The following KRT77 variants were observed in gnomAD, a reference collection of about 807,000 sequenced individuals.
The protein encoded by KRT77 is keratin 77.
A neutral mutation model predicts 51.5 loss-of-function variants in KRT77; 44 were observed. The observed-to-expected ratio is 0.85, with a 90% CI of 0.67 to 1.10. KRT77 has a LOEUF of 1.10. KRT77 is among the 50% of genes least tolerant of loss of function. The pLI is 0.00. For synonymous variants in KRT77, 293 were observed against 302.0 expected, an observed-to-expected ratio of 0.97 and a Z score of 0.31; for missense variants, 763 against 743.9, an observed-to-expected ratio of 1.03 and a Z score of -0.30.
rs901408319 is a variant in KRT77 at position 52,702,831 on chromosome 12, G to A, written c.543+61C>T. ...ACGATGTGGTGAGAGGTGGTAAGGT[G>A]TAATCTCTCTCAGTCATTTGGTCAG... is the stretch of plus-strand genomic sequence containing the variant. On this transcript the variant is annotated intron_variant, in intron 1 of 8. Coordinates refer to ENST00000341809, the MANE Select transcript of KRT77 (RefSeq NM_175078.3). 7 of 1,535,192 alleles carry A rather than the reference G, an allele frequency of 4.6e-6. No homozygotes were observed. In the East Asian group the frequency reaches 9.0e-5, roughly 20 times the overall value.
Position 52,692,471 on chromosome 12 carries a change from C to G in KRT77, c.1377G>C (p.Leu459=), listed in dbSNP as rs1340191236. The G allele has an allele frequency of 6.2e-7, 1 of 1,614,082 alleles. No individual in the cohort carries two copies. Among genetic ancestry groups the G allele is most frequent in the Admixed American group, 1.7e-5 (1 of 60,020 alleles). Residue 459 remains leucine (L), a synonymous_variant, in exon 7 of 9, where the codon CTG becomes CTC. Coordinates refer to ENST00000341809, the MANE Select transcript of KRT77 (RefSeq NM_175078.3). ...YQAMLGVKLS[L]DVEIATYRQL... ...GGCGGTAGGTGGCGATCTCCACATC[C>G]AGGGACAGCTTGACCCCCAGCATGG...
rs1177531467 is a variant in KRT77, at chr12:52,689,775, G to A, written c.*1390C>T. The stretch of plus-strand genomic sequence containing the variant: ...ATGCCCCAAGAGAATCATGGACTTG[G>A]AAGTTGTGTTAGGACTCAGCTAGCA... On this transcript the variant is annotated 3_prime_UTR_variant, in exon 9 of 9. Coordinates refer to ENST00000341809, the MANE Select transcript of KRT77 (RefSeq NM_175078.3). 1 of 152,218 alleles carries A rather than the reference G, an allele frequency of 6.6e-6. No individual in the cohort carries two copies. The highest frequency in any genetic ancestry group is 1.5e-5 in the Non-Finnish European group (1 of 68,060). 9.4% of individuals were successfully genotyped at this position (152,218 alleles called of 1,614,324 possible).
At chr12:52,695,511 T>C (rs1941781490) in intron 4 of KRT77, among the ~76,000 whole-genome samples, 1 of 152,182 alleles carries the variant, frequency 6.6e-6, no homozygotes, top group Non-Finnish European at 1.5e-5. Flanking sequence ...CCCAGACAGA[T>C]TGGAAGCCAT....
At chr12:52,699,463 T>A (rs1399856172) in intron 1 of KRT77, among the ~76,000 whole-genome samples, 1 of 152,120 alleles carries the variant, frequency 6.6e-6, no homozygotes, top group African/African-American at 2.4e-5. Context: ...ACTAGAACAA[T>A]CAGTAAAAGC....
Position 52,703,459 on chromosome 12 carries a change from A to G in KRT77, c.-25T>C, listed in dbSNP as rs777619226. 5.5e-5 allele frequency: 84 copies of G among 1,541,090 alleles called. No homozygotes were observed. The highest frequency in any genetic ancestry group is 6.6e-5 in the Non-Finnish European group (76 of 1,143,322). ...TGTTTGCTGGAGCATCCAGAGAAGC[A>G]GGCAAGAGAAAGAGCCTGGCAGGAA... On this transcript the variant is annotated 5_prime_UTR_variant, in exon 1 of 9. Coordinates refer to ENST00000341809, the MANE Select transcript of KRT77 (RefSeq NM_175078.3).
In KRT77 at chr12:52,703,451, A is replaced by G; in HGVS notation, c.-17T>C. The G allele has an allele frequency of 6.4e-7, 1 of 1,552,126 alleles. No individual in the cohort carries two copies. On this transcript the variant is annotated 5_prime_UTR_variant, in exon 1 of 9. Transcript: ENST00000341809. Reference sequence around the variant, plus strand: ...GTGGCTCATGTTTGCTGGAGCATCCAGAGAAGCAGGCAAGAGAAAGAGCCT... The same window carrying G: ...GTGGCTCATGTTTGCTGGAGCATCCGGAGAAGCAGGCAAGAGAAAGAGCCT...
At position 52,697,712 on chromosome 12, in the gene KRT77, A is replaced by T; in HGVS notation, c.728T>A (p.Met243Lys). 1.9e-6 allele frequency: 3 copies of T among 1,613,602 alleles called. No individual in the cohort carries two copies. Among genetic ancestry groups the T allele is most frequent in the Non-Finnish European group, 2.5e-6 (3 of 1,179,760 alleles). The change falls in exon 2 of 9, where the codon ATG becomes AAG. Residue 243 changes from methionine to lysine, a missense_variant. Physicochemically the swap from Met to Lys is moderately conservative, Grantham distance 95. Coordinates refer to ENST00000341809, the MANE Select transcript of KRT77 (RefSeq NM_175078.3). The part of the protein sequence containing the change: ...QMRQNAEVRS[M>K]QDVVEDYKSK... The stretch of plus-strand genomic sequence containing the variant: ...CTTGTAGTCCTCCACGACATCCTGC[A>T]TGCTCCTGACCTCCGCGTTCTGGCG...
At chr12:52,697,510 T>G (rs934467164) in intron 2 of KRT77, among the ~76,000 whole-genome samples, 172 bp downstream of exon 2, 21 of 152,100 alleles carry the variant, frequency 1.4e-4, no homozygotes, top group African/African-American at 4.8e-4. Flanking sequence ...GCTGCCAATA[T>G]CATTCTACCC....
chr12:52,700,831 T>C (rs1941877673), intron 1 of KRT77, among the ~76,000 whole-genome samples: 1 of 151,766 alleles, frequency 6.6e-6, no homozygotes, highest in South Asian at 2.1e-4. Flanking sequence ...AATGGAGGAG[T>C]GTCGTGACAT....
rs538740870 is a variant in KRT77 at position 52,691,208 on chromosome 12, A to C, written c.1694T>G (p.Ile565Ser). ...SGRGSSRVQI[I>S]QTSTNTSHRR... ...GTGGGAGGTGTTGGTGGAGGTCTGG[A>C]TGATCTGCACGCGCGAGGATCCGCG... is the stretch of plus-strand genomic sequence containing the variant. The change falls in exon 9 of 9, where the codon ATC becomes AGC. Residue 565 changes from isoleucine (I) to serine (S), a missense_variant. Coordinates refer to ENST00000341809, the MANE Select transcript of KRT77 (RefSeq NM_175078.3). 1 of 1,614,056 alleles carries C rather than the reference A, an allele frequency of 6.2e-7. No individual in the cohort carries two copies. The highest frequency in any genetic ancestry group is 8.5e-7 in the Non-Finnish European group (1 of 1,179,984).
Position 52,692,455 on chromosome 12 carries a change from T to C in KRT77, c.1393A>G (p.Thr465Ala), listed in dbSNP as rs746383788. The C allele has an allele frequency of 6.2e-7, 1 of 1,613,820 alleles. No homozygotes were observed. The highest frequency in any genetic ancestry group is 2.2e-5 in the East Asian group (1 of 44,816). ...TCGCCCTCCAGCAGCTGGCGGTAGG[T>C]GGCGATCTCCACATCCAGGGACAGC... is the stretch of plus-strand genomic sequence containing the variant. Reference protein sequence around the residue: ...VKLSLDVEIATYRQLLEGEES... With the variant: ...VKLSLDVEIAAYRQLLEGEES... The change falls in exon 7 of 9, where the codon ACC becomes GCC. Residue 465 changes from threonine (T) to alanine (A), a missense_variant. By Grantham distance (58) the Thr-to-Ala change is moderately conservative. Coordinates refer to ENST00000341809, the MANE Select transcript of KRT77 (RefSeq NM_175078.3).
At chr12:52,697,970 C>A (rs1329416278) in intron 1 of KRT77, 74 bp from the exon 2 acceptor site, 2 of 1,468,550 alleles carry the variant, frequency 1.4e-6, no homozygotes, top group Admixed American at 1.7e-5. Context: ...AGCATCCATA[C>A]CCCCTCAACA....
chr12:52,694,781 G>A lies in KRT77; in HGVS notation c.925C>T (p.Gln309Ter). The change falls in exon 5 of 9, where the codon CAG becomes TAG. Residue 309 changes from glutamine to a stop codon, truncating the protein, a stop_gained. Coordinates refer to ENST00000341809, the MANE Select transcript of KRT77 (RefSeq NM_175078.3). LOFTEE classifies it high-confidence loss of function. ...GTGTCGCTGATGTGAGTCTGCACCT[G>A]AGACAGCTCCTGCGAGGCATGGCGC... is the stretch of plus-strand genomic sequence containing the variant. ...LKYLFLTELS[Q>*]VQTHISDTNV... The A allele has an allele frequency of 6.2e-7, 1 of 1,601,664 alleles. No homozygotes were observed. Among genetic ancestry groups the A allele is most frequent in the Non-Finnish European group, 8.5e-7 (1 of 1,170,510 alleles).
At chr12:52,699,355 C>T (rs1362496606) in intron 1 of KRT77, among the ~76,000 whole-genome samples, 2 of 152,192 alleles carry the variant, frequency 1.3e-5, no homozygotes, top group Non-Finnish European at 2.9e-5. Context: ...GCCCAGGTAC[C>T]CATCCGCAAT....
In KRT77 at chr12:52,691,359, T is replaced by TGCCGCC. The variant is rs780215093; in HGVS notation, c.1537_1542dup (p.Gly513_Gly514dup). 1.9e-6 allele frequency: 3 copies of TGCCGCC among 1,595,002 alleles called. No homozygotes were observed. The highest frequency in any genetic ancestry group is 3.4e-5 in the Admixed American group (2 of 58,906). On this transcript the variant is annotated inframe_insertion, in exon 9 of 9. Coordinates refer to ENST00000341809, the MANE Select transcript of KRT77 (RefSeq NM_175078.3). ...CTTCCGCCGCCATAGCCCCCACCGC[T>TGCCGCC]GCCGCCGCCGTAGCCTCCTGAGCCG...
intron 1 of KRT77, among the ~76,000 whole-genome samples, chr12:52,699,568 C>T (rs1456360508): frequency 6.6e-6 from 1 of 152,248 alleles, no homozygotes; most frequent in African/African-American, 2.4e-5. Context: ...TGGAATGAGG[C>T]ATGCTGCTGA....
In KRT77 at chr12:52,691,289, T is replaced by C; in HGVS notation, c.1613A>G (p.Tyr538Cys). ...GCCACCGCCGCCGCAGCCGCTGCCATAACCGCCTCCACTCCTGCCTCGTGC... is the reference window on the plus strand; with the variant it reads ...GCCACCGCCGCCGCAGCCGCTGCCACAACCGCCTCCACTCCTGCCTCGTGC... ...GGARGRSGGG[Y>C]GSGCGGGGGS... is the part of the protein sequence containing the mutation. Residue 538 changes from tyrosine to cysteine, a missense_variant, in exon 9 of 9, where the codon TAT becomes TGT. Tyr to Cys is a radical substitution (Grantham distance 194). Coordinates refer to ENST00000341809, the MANE Select transcript of KRT77 (RefSeq NM_175078.3). 2 of 1,599,412 alleles carry C rather than the reference T, an allele frequency of 1.3e-6. No individual in the cohort carries two copies. The highest frequency in any genetic ancestry group is 8.5e-7 in the Non-Finnish European group (1 of 1,170,842).
Position 52,692,706 on chromosome 12 carries a change from T to C in KRT77, c.1206+49A>G, listed in dbSNP as rs150628461. On this transcript the variant is annotated intron_variant, in intron 6 of 8. Coordinates refer to ENST00000341809, the MANE Select transcript of KRT77 (RefSeq NM_175078.3). ...TTCCAGAGCTCGATCTGGCAGGGCATTGTAGGAGGTGCAGGGCTTGGTCAG... is the reference window on the plus strand; with the variant it reads ...TTCCAGAGCTCGATCTGGCAGGGCACTGTAGGAGGTGCAGGGCTTGGTCAG... 6.7e-4 allele frequency: 1,068 copies of C among 1,599,122 alleles called. 33 individuals carry two copies. The African/African-American group carries it at 0.011, about 17-fold the overall frequency.
rs181145859 is a variant in KRT77 at position 52,703,321 on chromosome 12, A to G, written c.114T>C (p.Cys38=). The change falls in exon 1 of 9, where the codon TGT becomes TGC. Residue 38 remains cysteine, a synonymous_variant. Transcript: ENST00000341809. ...GGGSPAVGSV[C]YARGRCGGGG... ...CACCACCACACCTCCCTCGAGCATA[A>G]CACACAGAACCCACTGCCGGACTCC... is the stretch of plus-strand genomic sequence containing the variant. 26 of 1,614,010 alleles carry G rather than the reference A, an allele frequency of 1.6e-5. No individual in the cohort carries two copies. In the East Asian group the frequency reaches 5.8e-4, roughly 36 times the overall value.
Sources: gnomAD v4.1 joint callset for allele counts (sites outside exome capture counted in the v4.1 genomes callset) on GRCh38, gnomAD v4.1.1 for gene constraint, MANE v1.5 for transcripts, NCBI Gene and HGNC (gene_info 2026-07-23, HGNC 2026-07-21) for gene names.